The following KPNA7 variants were observed in gnomAD, a reference collection of about 807,000 sequenced individuals.
The protein encoded by KPNA7 is importin subunit alpha-8.
Under a neutral mutation model 53.7 loss-of-function variants are expected in KPNA7, and 54 were observed. The ratio of observed to expected loss-of-function variants is 1.01; its 90% CI spans 0.81 to 1.26. The LOEUF (loss-of-function observed/expected upper bound fraction) is 1.26. Among genes scored for constraint, KPNA7 ranks in the 50% most tolerant of loss-of-function variants. The pLI, the probability that KPNA7 is intolerant of heterozygous loss-of-function variation, is 0.00. For synonymous variants in KPNA7, 276 were observed against 259.3 expected (o/e 1.06, Z -0.62); for missense variants, 640 against 644.5 (o/e 0.99, Z 0.07).
In KPNA7 at chr7:99,188,200, C is replaced by CAAAAAAAAAAAAA. The variant is rs1789728354; in HGVS notation, c.900+99_900+100insTTTTTTTTTTTTT. 5 of 493,842 alleles carry CAAAAAAAAAAAAA rather than the reference C, an allele frequency of 1.0e-5. No individual in the cohort carries two copies. The African/African-American group carries it at 1.2e-4, about 12-fold the overall frequency. 30.6% of individuals were successfully genotyped at this position (493,842 alleles called of 1,614,324 possible). A position where few individuals can be genotyped will look rare whatever the true frequency, so the allele number is the denominator to read the frequency against. On this transcript the variant is annotated intron_variant, in intron 7 of 10. Coordinates refer to ENST00000327442, the MANE Select transcript of KPNA7 (RefSeq NM_001145715.3). ...AAAAAAAAAAAAAAAAAAAAAAAAGCAAAGACCAGGGAAATGCAGATGACA... is the reference window on the plus strand; with the variant it reads ...AAAAAAAAAAAAAAAAAAAAAAAAGCAAAAAAAAAAAAAAAAGACCAGGGAAATGCAGATGACA...
intron 1 of KPNA7, among the ~76,000 whole-genome samples, chr7:99,214,113 C>T (rs1240891851): frequency 6.6e-6 from 1 of 151,960 alleles, no homozygotes; most frequent in Non-Finnish European, 1.5e-5. Flanking sequence ...TAATCTGTAA[C>T]AAGGTCTAAT....
chr7:99,203,479 C>A (rs1386716449), intron 2 of KPNA7, among the ~76,000 whole-genome samples: 9 of 152,142 alleles, frequency 5.9e-5, no homozygotes, highest in Non-Finnish European at 1.3e-4. Flanking sequence ...CCATGCACAA[C>A]CTTGACAGGT....
At chr7:99,156,503 A>C in the KPNA7 span, among the ~76,000 whole-genome samples, 1 of 151,936 alleles carries the variant, frequency 6.6e-6, no homozygotes, top group Admixed American at 6.6e-5. Flanking sequence ...TTCAGCCTAG[A>C]GATTTACTTT....
chr7:99,163,910 C>T, the KPNA7 span, among the ~76,000 whole-genome samples: 68 of 152,000 alleles, frequency 4.5e-4, no homozygotes, highest in South Asian at 8.1e-3. Context: ...AAGAATTTCT[C>T]GAAAATGCAA....
chr7:99,192,402 C>T (rs1342054373), intron 6 of KPNA7, among the ~76,000 whole-genome samples: 1 of 152,102 alleles, frequency 6.6e-6, no homozygotes, highest in Non-Finnish European at 1.5e-5. Flanking sequence ...GATACTCAGT[C>T]CTAAGCCTTG....
intron 5 of KPNA7, among the ~76,000 whole-genome samples, chr7:99,194,706 C>T (rs1204501088): frequency 3.3e-5 from 5 of 152,230 alleles, no homozygotes; most frequent in African/African-American, 7.2e-5. Context: ...CAGGTTCAAG[C>T]GATTCTCCTG....
intron 3 of KPNA7, among the ~76,000 whole-genome samples, chr7:99,198,858 A>G (rs1584303821): frequency 6.6e-6 from 1 of 152,150 alleles, no homozygotes; most frequent in East Asian, 1.9e-4. Flanking sequence ...TCTTATATGT[A>G]GAAAATCCTA....
the KPNA7 span, among the ~76,000 whole-genome samples, chr7:99,146,371 T>C: frequency 0.032 from 4,880 of 152,248 alleles, 241 homozygotes; most frequent in African/African-American, 0.11. Context: ...TGATGTACAA[T>C]GGGGTTACAT....
chr7:99,177,325 A>C (rs1179271319), intron 10 of KPNA7, among the ~76,000 whole-genome samples: 1 of 152,154 alleles, frequency 6.6e-6, no homozygotes, highest in Non-Finnish European at 1.5e-5. Context: ...CACGCCTGTG[A>C]TCCCAGCACT....
rs1403982359 is a variant in KPNA7, at chr7:99,184,979, G to T, written c.1084C>A (p.Gln362Lys). 2 of 1,551,944 alleles carry T rather than the reference G, an allele frequency of 1.3e-6. No individual in the cohort carries two copies. Among genetic ancestry groups the T allele is most frequent in the African/African-American group, 2.7e-5 (2 of 73,044 alleles). Residue 362 changes from glutamine (Q) to lysine (K), a missense_variant, in exon 8 of 11, where the codon CAG becomes AAG. Physicochemically the swap from Gln to Lys is moderately conservative, Grantham distance 53. Coordinates refer to ENST00000327442, the MANE Select transcript of KPNA7 (RefSeq NM_001145715.3). ...GGCAAGACGTCGTAGGCAAGCAGCT[G>T]CTGGATGTGGTGACAAGGCCCCGCT... ...VAAGPCHHIQ[Q>K]LLAYDVLPPL...
chr7:99,195,546 A>T (rs1386886364), intron 4 of KPNA7, among the ~76,000 whole-genome samples: 2 of 152,060 alleles, frequency 1.3e-5, no homozygotes, highest in Non-Finnish European at 2.9e-5. Flanking sequence ...TACTAAGAAT[A>T]TAAAAATTAG....
At chr7:99,198,798 G>A (rs1165050970) in intron 3 of KPNA7, among the ~76,000 whole-genome samples, 2 of 151,956 alleles carry the variant, frequency 1.3e-5, no homozygotes, top group Non-Finnish European at 2.9e-5. Context: ...AACAAATAAA[G>A]TGCACCCAGA....
At chr7:99,215,806 C>A (rs576823863) in intron 1 of KPNA7, among the ~76,000 whole-genome samples, 2 of 151,942 alleles carry the variant, frequency 1.3e-5, no homozygotes, top group African/African-American at 4.8e-5. Flanking sequence ...CCCATCTCTA[C>A]AAATAAATGA....
the KPNA7 span, among the ~76,000 whole-genome samples, chr7:99,161,481 A>G: frequency 1.2e-4 from 18 of 152,070 alleles, no homozygotes; most frequent in Non-Finnish European, 2.5e-4. Context: ...CTTAAGTCCA[A>G]CCTCATAAAA....
the KPNA7 span, among the ~76,000 whole-genome samples, chr7:99,159,093 G>A: frequency 2.0e-5 from 3 of 151,998 alleles, no homozygotes; most frequent in African/African-American, 7.3e-5. Flanking sequence ...TTGAACTCCT[G>A]ACCTTAGGTG....
the KPNA7 span, among the ~76,000 whole-genome samples, chr7:99,146,711 TAAAAAAAAAAAAAAAAAAAAA>T: frequency 1.4e-3 from 102 of 70,446 alleles, 1 homozygote; most frequent in African/African-American, 5.7e-3. Context: ...GACTGTGTCT[TAAAAAAAAAAAAAAAAAAAAA>T]AAAAAAAAAA....
At chr7:99,155,008 T>C in the KPNA7 span, among the ~76,000 whole-genome samples, 2 of 152,082 alleles carry the variant, frequency 1.3e-5, no homozygotes, top group Non-Finnish European at 2.9e-5. Flanking sequence ...CTAACACATA[T>C]ATACTTTTTA....
the KPNA7 span, among the ~76,000 whole-genome samples, chr7:99,163,359 G>GTATATA: frequency 3.8e-4 from 25 of 66,416 alleles, no homozygotes; most frequent in African/African-American, 1.2e-3. Context: ...ATGAGTGTGT[G>GTATATA]TATATATATA....
chr7:99,163,381 A>ATTTTTTTTTTT, the KPNA7 span, among the ~76,000 whole-genome samples: 1 of 58,894 alleles, frequency 1.7e-5, no homozygotes, highest in African/African-American at 6.8e-5. Flanking sequence ...ATATATATAT[A>ATTTTTTTTTTT]TATTTTTTTT....
Sources: allele counts gnomAD v4.1 joint callset (sites outside exome capture counted in the v4.1 genomes callset), GRCh38; gene constraint gnomAD v4.1.1; transcripts MANE v1.5; gene names NCBI Gene and HGNC (gene_info 2026-07-23, HGNC 2026-07-21).